RAF1: variants seen among roughly 807,000 people sequenced by gnomAD.
The protein encoded by RAF1 is RAF proto-oncogene serine/threonine-protein kinase.
A neutral mutation model predicts 81.1 loss-of-function variants in RAF1; 27 were observed. The observed-to-expected ratio is 0.33, with a 90% CI of 0.25 to 0.46. The LOEUF (loss-of-function observed/expected upper bound fraction) is 0.46, where lower values mean the gene tolerates loss of function less well. RAF1 is among the 20% of genes least tolerant of loss of function. The probability of loss-of-function intolerance (pLI) is 1.00; values close to 1 mark genes in which losing one functional copy is unlikely to be tolerated. For missense variants in RAF1, 598 were observed against 826.0 expected, an observed-to-expected ratio of 0.72 and a Z score of 3.38; for synonymous variants, 298 against 294.0, an observed-to-expected ratio of 1.01 and a Z score of -0.14.
At chr3:12,619,321 TG>T (rs1340220158) in intron 1 of RAF1, among the ~76,000 whole-genome samples, 1 of 152,168 alleles carries the variant, frequency 6.6e-6, no homozygotes, top group Non-Finnish European at 1.5e-5. Context: ...CCCAGCACTT[TG>T]GGAGGCCGAG....
chr3:12,587,497 C>T (rs1307113663), intron 14 of RAF1, 94 bp downstream of exon 13: 4 of 1,179,178 alleles, frequency 3.4e-6, no homozygotes, highest in Non-Finnish European at 5.1e-6. Flanking sequence ...AAGATATCCC[C>T]TGGCACCGAG....
At chr3:12,594,311 G>C (rs375672559) in intron 11 of RAF1, among the ~76,000 whole-genome samples, 1 of 152,210 alleles carries the variant, frequency 6.6e-6, no homozygotes, top group Non-Finnish European at 1.5e-5. Context: ...ACCCAGAAAA[G>C]GGCAGAGCCT....
chr3:12,591,091 A>C (rs1164020616), intron 12 of RAF1, 117 bp from the exon 12 acceptor site: 1 of 939,532 alleles, frequency 1.1e-6, no homozygotes, highest in Non-Finnish European at 1.6e-6. Flanking sequence ...TCCCAACACC[A>C]CCCCCAGTCC....
At position 12,584,520 on chromosome 3, in the gene RAF1, G is replaced by A. The variant is rs3730297; in HGVS notation, c.2001C>T (p.Val667=). 9.5e-3 allele frequency: 15,356 copies of A among 1,614,198 alleles called. 89 individuals carry two copies. The highest frequency in any genetic ancestry group is 0.011 in the Non-Finnish European group (13,485 of 1,180,038). The change falls in exon 18 of 18, where the codon GTC becomes GTT. Residue 667 remains valine (V), a synonymous_variant. Transcript: ENST00000442415. ...AAGACAGGTGCAAAGTCAACTAGAA[G>A]ACAGGCAGCCTCGGGGACGTGGTCA...
chr3:12,595,471 A>C (rs1178566904), intron 11 of RAF1, among the ~76,000 whole-genome samples: 1 of 152,194 alleles, frequency 6.6e-6, no homozygotes, highest in Non-Finnish European at 1.5e-5. Flanking sequence ...AAGGCTTGCC[A>C]AACCTCCTAA....
At chr3:12,599,848 G>C (rs1413987280) in intron 10 of RAF1, 40 bp from the exon 10 acceptor site, 6 of 1,469,254 alleles carry the variant, frequency 4.1e-6, no homozygotes, top group Admixed American at 3.3e-5. Context: ...CCATGCAATG[G>C]TAATAATCTT....
chr3:12,628,498 CAA>C lies in RAF1; in HGVS notation c.-26-9753_-26-9752del, dbSNP rs532685272. On this transcript the variant is annotated intron_variant, in intron 1 of 17. Coordinates refer to ENST00000442415, the MANE Select transcript of RAF1 (RefSeq NM_001354689.3). ...ACAACACAGTTAGACACCTACTCTA[CAA>C]AAAAAAGTTTTTAAAAAGTCATTTT... Among the ~76,000 whole-genome samples the C allele has an allele frequency of 4.7e-4, 72 of 151,790 alleles. 1 individual carries two copies. The highest frequency in any genetic ancestry group is 1.8e-3 in the Admixed American group (27 of 15,242).
chr3:12,591,942 G>C (rs112987027), intron 11 of RAF1, 150 bp from the exon 11 acceptor site: 9 of 590,256 alleles, frequency 1.5e-5, no homozygotes, highest in African/African-American at 4.5e-5. Flanking sequence ...TTTTTTTTTT[G>C]AGACAGGGTC....
intron 8 of RAF1, among the ~76,000 whole-genome samples, chr3:12,600,774 C>G (rs1233354110): frequency 6.6e-6 from 1 of 152,262 alleles, no homozygotes; most frequent in Non-Finnish European, 1.5e-5. Flanking sequence ...GTTGGCCAGG[C>G]TCGTCTTGAA....
At chr3:12,644,785 C>G (rs2060294686) in intron 1 of RAF1, among the ~76,000 whole-genome samples, 2 of 152,166 alleles carry the variant, frequency 1.3e-5, no homozygotes, top group Non-Finnish European at 2.9e-5. Context: ...AGTTTTTCCT[C>G]AAATACTATA....
chr3:12,604,611 A>G (rs2058969265), intron 6 of RAF1, among the ~76,000 whole-genome samples: 1 of 152,222 alleles, frequency 6.6e-6, no homozygotes, highest in Non-Finnish European at 1.5e-5. Flanking sequence ...GAACAGATTA[A>G]CATTTGACAA....
intron 3 of RAF1, 149 bp from the exon 4 acceptor site, chr3:12,609,484 A>C (rs1575584291): frequency 1.6e-6 from 1 of 643,998 alleles, no homozygotes; most frequent in East Asian, 2.8e-5. Flanking sequence ...CAACAAACCT[A>C]TGAAGTAGGT....
At chr3:12,653,762 T>C (rs1226411987) in intron 1 of RAF1, among the ~76,000 whole-genome samples, 3 of 151,566 alleles carry the variant, frequency 2.0e-5, no homozygotes, top group African/African-American at 7.3e-5. Context: ...TCATCTCTCA[T>C]GGGTCTTCTG....
At chr3:12,588,815 A>T (rs1472760073) in intron 13 of RAF1, 1 of 152,128 alleles carries the variant, frequency 6.6e-6, no homozygotes, top group Non-Finnish European at 1.5e-5. Context: ...CTCAAGTTGA[A>T]ATGTGATCCC....
Position 12,618,625 on chromosome 3 carries a change from C to A in RAF1, c.97G>T (p.Val33Phe). The stretch of plus-strand genomic sequence containing the variant: ...CGGCGCTGATAGCCAAACTGCTGAA[C>A]TATTGTAGGAGAGATGCAGCTGGAG... Residue 33 changes from valine to phenylalanine, a missense_variant, in exon 2 of 18, where the codon GTT becomes TTT. Around this residue, in one of 5 missense-constraint regions of RAF1, gnomAD observed 83 missense variants for 72.3 expected, o/e 1.15. Coordinates refer to ENST00000442415, the MANE Select transcript of RAF1 (RefSeq NM_001354689.3). 6.2e-7 allele frequency: 1 copy of A among 1,614,202 alleles called. No homozygotes were observed. The highest frequency in any genetic ancestry group is 8.5e-7 in the Non-Finnish European group (1 of 1,180,046).
intron 2 of RAF1, among the ~76,000 whole-genome samples, chr3:12,614,594 GT>G (rs71063842): frequency 0.14 from 20,718 of 145,636 alleles, 1,607 homozygotes; most frequent in African/African-American, 0.22. Flanking sequence ...TCTAGCTAAT[GT>G]TTTTTTTTTT....
intron 15 of RAF1, 141 bp downstream of exon 14, chr3:12,585,540 A>G: frequency 7.2e-7 from 1 of 1,382,852 alleles, no homozygotes; most frequent in Non-Finnish European, 1.0e-6. Context: ...GAAAATCTAC[A>G]ATTGCCCTGA....
chr3:12,600,171 G>A lies in RAF1; in HGVS notation c.1031C>T (p.Thr344Ile). The change falls in exon 10 of 18, where the codon ACC (threonine) becomes ATC (isoleucine). Residue 344 changes from threonine to isoleucine, a missense_variant. By Grantham distance (89) the Thr-to-Ile change is moderately conservative. Coordinates refer to ENST00000442415, the MANE Select transcript of RAF1 (RefSeq NM_001354689.3). ...ACTCACAATTTTGTTTTTCTCCTGGGTCCCAGATACTGGTGCCCGCTCTCT... is the reference window on the plus strand; with the variant it reads ...ACTCACAATTTTGTTTTTCTCCTGGATCCCAGATACTGGTGCCCGCTCTCT... 1 of 1,614,090 alleles carries A rather than the reference G, an allele frequency of 6.2e-7. No homozygotes were observed. The highest frequency in any genetic ancestry group is 2.2e-5 in the East Asian group (1 of 44,878).
chr3:12,620,363 A>ACCTCG (rs1243682775), intron 1 of RAF1, among the ~76,000 whole-genome samples: 1 of 151,996 alleles, frequency 6.6e-6, no homozygotes, highest in Admixed American at 6.5e-5. Context: ...CAATCTCTTG[A>ACCTCG]CCTCGTGATC....
Sources: allele counts gnomAD v4.1 joint callset (sites outside exome capture counted in the v4.1 genomes callset), GRCh38; gene constraint gnomAD v4.1.1; regional missense constraint gnomAD v4.1.1; transcripts MANE v1.5; gene names NCBI Gene and HGNC (gene_info 2026-07-23, HGNC 2026-07-21).